The following ZDHHC21 variants were observed in gnomAD, a reference collection of about 807,000 sequenced individuals.
ZDHHC21 encodes palmitoyltransferase ZDHHC21.
Under a neutral mutation model 34.6 loss-of-function variants are expected in ZDHHC21, and 15 were observed. That is an observed-to-expected ratio of 0.43 (90% confidence interval 0.29 to 0.67). ZDHHC21 has a LOEUF of 0.67. Ranked by LOEUF, ZDHHC21 falls within the 30% of genes least tolerant of loss-of-function variation. The pLI, the probability that ZDHHC21 is intolerant of heterozygous loss-of-function variation, is 0.14. For synonymous variants in ZDHHC21, 142 were observed against 101.8 expected (o/e 1.40, Z -2.38); for missense variants, 344 against 327.7 (o/e 1.05, Z -0.38).
intron 1 of ZDHHC21, among the ~76,000 whole-genome samples, 156 bp from the exon 2 acceptor site, chr9:14,690,541 A>G (rs1417448690): frequency 2.0e-5 from 3 of 152,222 alleles, no homozygotes; most frequent in Admixed American, 6.5e-5. Context: ...ATCGGTTAAG[A>G]GAGTCTCTGA....
At chr9:14,607,250 C>G (rs1169930965), downstream of ZDHHC21, among the ~76,000 whole-genome samples, 1 of 151,950 alleles carries the variant, frequency 6.6e-6, no homozygotes, top group Non-Finnish European at 1.5e-5. Flanking sequence ...GAGTTGCAGA[C>G]CAGCCTGGGC....
intron 8 of ZDHHC21, among the ~76,000 whole-genome samples, chr9:14,630,869 C>G (rs1213374986): frequency 1.3e-5 from 2 of 152,230 alleles, no homozygotes; most frequent in African/African-American, 4.8e-5. Context: ...AAATATTCAG[C>G]AAGCCATGCT....
At chr9:14,619,598 C>G in intron 9 of ZDHHC21, 41 bp downstream of exon 9, 1 of 1,337,298 alleles carries the variant, frequency 7.5e-7, no homozygotes, top group Middle Eastern at 1.9e-4. Context: ...CCAGTTCTTT[C>G]CAATTTTAAA....
At chr9:14,600,333 A>G in the ZDHHC21 span, among the ~76,000 whole-genome samples, 1 of 152,186 alleles carries the variant, frequency 6.6e-6, no homozygotes, top group Non-Finnish European at 1.5e-5. Context: ...TCAATGCGCA[A>G]AAGTCCCAAG....
chr9:14,673,214 A>C (rs138482810), intron 4 of ZDHHC21, among the ~76,000 whole-genome samples: 111 of 152,128 alleles, frequency 7.3e-4, no homozygotes, highest in Admixed American at 3.6e-3. Flanking sequence ...CTTCCTATTA[A>C]TAATGGCATA....
intron 8 of ZDHHC21, among the ~76,000 whole-genome samples, chr9:14,639,145 GTA>G (rs1828844206): frequency 6.6e-6 from 1 of 151,942 alleles, no homozygotes; most frequent in Non-Finnish European, 1.5e-5. Context: ...TAAAAATCTG[GTA>G]TATATACACA....
At chr9:14,604,785 G>C in the ZDHHC21 span, among the ~76,000 whole-genome samples, 2 of 152,026 alleles carry the variant, frequency 1.3e-5, no homozygotes, top group African/African-American at 4.8e-5. Context: ...GTATAGTGCA[G>C]TACTATAAGC....
At chr9:14,602,816 G>A in the ZDHHC21 span, among the ~76,000 whole-genome samples, 12 of 151,664 alleles carry the variant, frequency 7.9e-5, no homozygotes, top group Admixed American at 1.3e-4. Context: ...CCAGCCACTC[G>A]GGAGGCTGAG....
At chr9:14,641,745 T>A (rs1829416125) in intron 7 of ZDHHC21, among the ~76,000 whole-genome samples, 1 of 152,230 alleles carries the variant, frequency 6.6e-6, no homozygotes, top group Non-Finnish European at 1.5e-5. Context: ...CTCACTTCCA[T>A]AAGAAAACTT....
At chr9:14,599,363 T>C in the ZDHHC21 span, among the ~76,000 whole-genome samples, 1 of 152,156 alleles carries the variant, frequency 6.6e-6, no homozygotes, top group Non-Finnish European at 1.5e-5. Flanking sequence ...CTCCCTCTCT[T>C]AGCTAAGGGA....
rs1835951576 is a variant in ZDHHC21, at chr9:14,674,225, T to C, written c.116A>G (p.His39Arg). Residue 39 changes from histidine to arginine, a missense_variant, in exon 4 of 10, where the codon CAC becomes CGC. Coordinates refer to ENST00000380916, the MANE Select transcript of ZDHHC21 (RefSeq NM_178566.6). The part of the protein sequence containing the change: ...VLIPKIVLFP[H>R]YEEGHIPGIL... ...GCCTGGAATATGTCCTTCTTCATAG[T>C]GAGGAAAGAGGACAATTTTGGGAAT... 1 of 1,568,214 alleles carries C rather than the reference T, an allele frequency of 6.4e-7. No homozygotes were observed. Among genetic ancestry groups the C allele is most frequent in the Non-Finnish European group, 8.6e-7 (1 of 1,161,142 alleles).
Position 14,662,259 on chromosome 9 carries a change from G to C in ZDHHC21, c.321C>G (p.Ser107Arg), listed in dbSNP as rs754622383. Residue 107 changes from serine (S) to arginine (R), a missense_variant, in exon 6 of 10, where the codon AGC (serine) becomes AGG (arginine). Ser to Arg is a moderately radical substitution (Grantham distance 110). Coordinates refer to ENST00000380916, the MANE Select transcript of ZDHHC21 (RefSeq NM_178566.6). ...LMRPKRSHHC[S>R]RCGHCVRRMD... ...TTCTCCTCACACAGTGGCCGCAGCG[G>C]CTACAGTGATGGGAACGCTTTGGTC... is the stretch of plus-strand genomic sequence containing the variant. The C allele has an allele frequency of 1.9e-5, 30 of 1,612,994 alleles. No individual in the cohort carries two copies. The highest frequency in any genetic ancestry group is 2.5e-5 in the Non-Finnish European group (29 of 1,179,604).
chr9:14,599,204 A>T, the ZDHHC21 span, among the ~76,000 whole-genome samples: 1 of 152,218 alleles, frequency 6.6e-6, no homozygotes, highest in Non-Finnish European at 1.5e-5. Flanking sequence ...CAGTGAGATC[A>T]ATGCAGAAGG....
chr9:14,634,750 A>T (rs781192579), intron 8 of ZDHHC21, among the ~76,000 whole-genome samples: 1 of 152,242 alleles, frequency 6.6e-6, no homozygotes, highest in Non-Finnish European at 1.5e-5. Context: ...CTGTTACAAC[A>T]GACGCATAGA....
chr9:14,664,018 A>T (rs1833894803), intron 5 of ZDHHC21, among the ~76,000 whole-genome samples: 1 of 152,212 alleles, frequency 6.6e-6, no homozygotes, highest in African/African-American at 2.4e-5. Flanking sequence ...AAGATGGCCG[A>T]ATAGGAACAG....
the ZDHHC21 span, among the ~76,000 whole-genome samples, chr9:14,590,254 C>G: frequency 6.6e-6 from 1 of 151,724 alleles, no homozygotes; most frequent in African/African-American, 2.4e-5. Flanking sequence ...AAAGGACAGG[C>G]AGAAAAAAAG....
chr9:14,611,814 T>C lies in ZDHHC21; in HGVS notation c.*7152A>G, dbSNP rs1823347872. 1 of 152,068 alleles carries C rather than the reference T, an allele frequency of 6.6e-6. No homozygotes were observed. Among genetic ancestry groups the C allele is most frequent in the Non-Finnish European group, 1.5e-5 (1 of 67,968 alleles). The allele number at this position is 152,068 out of a possible 1,614,324, so 9.4% of individuals were successfully genotyped here. A position where few individuals can be genotyped will look rare whatever the true frequency, so the allele number is the denominator to read the frequency against. The stretch of plus-strand genomic sequence containing the variant: ...TTGTCCTCCCGTGTTAGACTCACAA[T>C]TCACTTGTCGGAATATCTCTGATTC... On this transcript the variant is annotated 3_prime_UTR_variant, in exon 10 of 10. Coordinates refer to ENST00000380916, the MANE Select transcript of ZDHHC21 (RefSeq NM_178566.6).
At chr9:14,655,872 G>GATC (rs989138273) in intron 7 of ZDHHC21, among the ~76,000 whole-genome samples, 1 of 151,094 alleles carries the variant, frequency 6.6e-6, no homozygotes, top group Non-Finnish European at 1.5e-5. Context: ...ATTTTTTAAT[G>GATC]AAATATCTGC....
At chr9:14,629,844 C>A (rs954500664) in intron 8 of ZDHHC21, among the ~76,000 whole-genome samples, 3 of 152,010 alleles carry the variant, frequency 2.0e-5, no homozygotes, top group Non-Finnish European at 4.4e-5. Flanking sequence ...GTCAAGCGAT[C>A]GATACCATCC....
Sources: allele counts gnomAD v4.1 joint callset (sites outside exome capture counted in the v4.1 genomes callset), GRCh38; gene constraint gnomAD v4.1.1; transcripts MANE v1.5; gene names NCBI Gene and HGNC (gene_info 2026-07-23, HGNC 2026-07-21).